NBAS: variants seen among roughly 807,000 people sequenced by gnomAD.
NBAS encodes NBAS subunit of NRZ tethering complex, also known as NAG/BC035112 fusion.
In NBAS, 219 loss-of-function variants were observed where a neutral mutation model predicts 302.5. That is an observed-to-expected ratio of 0.72 (90% CI 0.65 to 0.81). NBAS has a LOEUF of 0.81. NBAS is among the 30% of genes least tolerant of loss of function. NBAS has a pLI of 0.00. For synonymous variants in NBAS, 1,118 were observed against 1,021.6 expected (o/e 1.09, Z -1.80); for missense variants, 2,932 against 2,841.6 (o/e 1.03, Z -0.72).
the NBAS span, among the ~76,000 whole-genome samples, chr2:15,058,104 A>G: frequency 6.6e-6 from 1 of 152,192 alleles, no homozygotes; most frequent in African/African-American, 2.4e-5. Context: ...TATCTTCCCA[A>G]AGGAAAAGAA....
the NBAS span, among the ~76,000 whole-genome samples, chr2:14,964,585 A>T: frequency 6.6e-5 from 10 of 152,208 alleles, no homozygotes; most frequent in Non-Finnish European, 1.2e-4. Flanking sequence ...AGACAAACCC[A>T]CAGTTTTAGT....
the NBAS span, among the ~76,000 whole-genome samples, chr2:14,949,000 G>C: frequency 6.6e-6 from 1 of 152,042 alleles, no homozygotes; most frequent in African/African-American, 2.4e-5. Flanking sequence ...TAAAAGAACA[G>C]GCTTTTCAAC....
At chr2:15,058,217 C>T in the NBAS span, among the ~76,000 whole-genome samples, 5 of 152,142 alleles carry the variant, frequency 3.3e-5, no homozygotes, top group African/African-American at 1.2e-4. Flanking sequence ...GAAGAAATTT[C>T]GCCCCCTAGA....
chr2:15,307,395 C>T (rs1434616709), intron 40 of NBAS, among the ~76,000 whole-genome samples: 2 of 152,136 alleles, frequency 1.3e-5, no homozygotes, highest in Non-Finnish European at 2.9e-5. Flanking sequence ...AAGTAATTTA[C>T]TCAGGGAAAA....
the NBAS span, among the ~76,000 whole-genome samples, chr2:14,784,152 A>C: frequency 6.6e-6 from 1 of 151,978 alleles, no homozygotes; most frequent in African/African-American, 2.4e-5. Flanking sequence ...TCCTTTGCCC[A>C]CTTTTTGATG....
rs1285445915 is a variant in NBAS at position 15,166,955 on chromosome 2, T to C, written c.*93A>G. On this transcript the variant is annotated 3_prime_UTR_variant, in exon 52 of 52. Transcript: ENST00000281513. ...TTTTATTTGCAATTTGTTGGAACCA[T>C]GGAGAACAATCGGCAGATACACATG... 3.3e-5 allele frequency: 47 copies of C among 1,440,062 alleles called. No individual in the cohort carries two copies. Among genetic ancestry groups the C allele is most frequent in the Non-Finnish European group, 4.1e-5 (44 of 1,078,020 alleles). The allele number at this position is 1,440,062 out of a possible 1,614,324, so 89.2% of individuals were successfully genotyped here. A position where few individuals can be genotyped will look rare whatever the true frequency, so the allele number is the denominator to read the frequency against.
the NBAS span, among the ~76,000 whole-genome samples, chr2:14,925,496 A>G: frequency 0.012 from 1,900 of 152,286 alleles, 37 homozygotes; most frequent in African/African-American, 0.043. Flanking sequence ...TATGCTCATA[A>G]AAATGTAAGT....
At chr2:15,246,653 C>G (rs1428084463) in intron 44 of NBAS, among the ~76,000 whole-genome samples, 1 of 152,144 alleles carries the variant, frequency 6.6e-6, no homozygotes, top group African/African-American at 2.4e-5. Context: ...AACAAAGAAA[C>G]AAAAAACTGA....
the NBAS span, among the ~76,000 whole-genome samples, chr2:15,080,679 C>T: frequency 2.6e-5 from 4 of 152,276 alleles, no homozygotes; most frequent in East Asian, 1.9e-4. Context: ...TCAGAAGACC[C>T]GACAGCTTCA....
chr2:15,279,722 C>A (rs979835428), intron 42 of NBAS, among the ~76,000 whole-genome samples: 1 of 152,130 alleles, frequency 6.6e-6, no homozygotes, highest in Non-Finnish European at 1.5e-5. Context: ...ACTGGAATAC[C>A]TTTACTGACT....
chr2:15,112,036 A>G, the NBAS span, among the ~76,000 whole-genome samples: 1 of 150,484 alleles, frequency 6.6e-6, no homozygotes, highest in Non-Finnish European at 1.5e-5. Context: ...TGAAGGACAA[A>G]TGCTCTGCAA....
the NBAS span, among the ~76,000 whole-genome samples, chr2:15,027,999 C>T: frequency 6.6e-6 from 1 of 152,140 alleles, no homozygotes; most frequent in East Asian, 1.9e-4. Context: ...CATCATCACA[C>T]TTTATTCTTT....
the NBAS span, among the ~76,000 whole-genome samples, chr2:14,893,610 A>G: frequency 6.6e-6 from 1 of 152,038 alleles, no homozygotes; most frequent in Non-Finnish European, 1.5e-5. Context: ...TGCTCCTGGA[A>G]CCCTTCCTTC....
chr2:14,972,041 A>G, the NBAS span, among the ~76,000 whole-genome samples: 50 of 152,094 alleles, frequency 3.3e-4, no homozygotes, highest in Admixed American at 3.3e-3. Context: ...TAACACAGAG[A>G]TATGTACAGA....
the NBAS span, among the ~76,000 whole-genome samples, chr2:14,812,465 A>G: frequency 2.1e-4 from 32 of 152,174 alleles, no homozygotes; most frequent in Non-Finnish European, 1.3e-4. Context: ...CACCCTGTAC[A>G]TTTCCCAGGA....
the NBAS span, among the ~76,000 whole-genome samples, chr2:15,156,337 T>A: frequency 6.6e-6 from 1 of 151,950 alleles, no homozygotes; most frequent in Non-Finnish European, 1.5e-5. Flanking sequence ...GGCACAGGAG[T>A]GTGAGGTTGG....
rs546596312 is a variant in NBAS at position 15,361,292 on chromosome 2, C to G, written c.3818-4876G>C. Among the ~76,000 whole-genome samples the G allele has an allele frequency of 6.6e-5, 10 of 152,204 alleles. No homozygotes were observed. In the South Asian group the frequency reaches 1.9e-3, roughly 28 times the overall value. On this transcript the variant is annotated intron_variant, in intron 32 of 51. Coordinates refer to ENST00000281513, the MANE Select transcript of NBAS (RefSeq NM_015909.4). The stretch of plus-strand genomic sequence containing the variant: ...TTTTGGGAGGCCGAGGTGGGTGGAT[C>G]ACTTGAGGTGAGGAATTCAAGACCA...
At chr2:15,551,785 G>C (rs1664398382) in intron 5 of NBAS, among the ~76,000 whole-genome samples, 2 of 152,202 alleles carry the variant, frequency 1.3e-5, no homozygotes, top group Non-Finnish European at 2.9e-5. Context: ...CAGCCTAAGT[G>C]AATTTACCGT....
chr2:14,986,191 A>T, the NBAS span, among the ~76,000 whole-genome samples: 1 of 152,018 alleles, frequency 6.6e-6, no homozygotes, highest in Non-Finnish European at 1.5e-5. Flanking sequence ...CAGGTGTTTA[A>T]ATCCCTTACA....
Sources: allele counts gnomAD v4.1 joint callset (sites outside exome capture counted in the v4.1 genomes callset), GRCh38; gene constraint gnomAD v4.1.1; transcripts MANE v1.5; gene names NCBI Gene and HGNC (gene_info 2026-07-23, HGNC 2026-07-21).